The following ARHGEF1 variants were observed in gnomAD, a reference collection of about 807,000 sequenced individuals.
The protein encoded by ARHGEF1 is 115 kDa guanine nucleotide exchange factor.
A neutral mutation model predicts 119.7 loss-of-function variants in ARHGEF1; 40 were observed. That is an observed-to-expected ratio of 0.33 (90% confidence interval 0.26 to 0.44). The LOEUF (loss-of-function observed/expected upper bound fraction) is 0.44, where lower values mean the gene tolerates loss of function less well. Among genes scored for constraint, ARHGEF1 ranks in the 20% least tolerant of loss-of-function variants. ARHGEF1 has a pLI of 1.00. For synonymous variants in ARHGEF1, 494 were observed against 521.0 expected (o/e 0.95, Z 0.71); for missense variants, 976 against 1,268.3 (o/e 0.77, Z 3.50).
intron 13 of ARHGEF1, chr19:41,898,204 G>A (rs1404142441): frequency 2.1e-6 from 3 of 1,400,482 alleles, no homozygotes; most frequent in Non-Finnish European, 2.8e-6. Context: ...AATGGGCGTT[G>A]GAGACCGAGG....
chr19:41,913,519 G>A (rs1423992794), intron 18 of ARHGEF1, among the ~76,000 whole-genome samples: 1 of 151,624 alleles, frequency 6.6e-6, no homozygotes, highest in Non-Finnish European at 1.5e-5. Flanking sequence ...CTGCAGGGGG[G>A]CAGGCCCAGC....
At position 41,893,328 on chromosome 19, in the gene ARHGEF1, G is replaced by A. The variant is rs199564457; in HGVS notation, c.644+25G>A. The A allele has an allele frequency of 5.2e-4, 827 of 1,587,122 alleles. 11 individuals carry two copies. The East Asian group carries it at 0.011, about 21-fold the overall frequency. ...GGTGAGGGGGGCAGGGGAGGCGTGC[G>A]GCCTCCTGGGTTTGAGGGAGGAGGG... is the stretch of plus-strand genomic sequence containing the variant. On this transcript the variant is annotated intron_variant, in intron 8 of 28. Coordinates refer to ENST00000354532, the MANE Select transcript of ARHGEF1 (RefSeq NM_004706.4).
chr19:41,897,264 G>T, intron 13 of ARHGEF1: 2 of 1,281,074 alleles, frequency 1.6e-6, no homozygotes, highest in South Asian at 2.5e-5. Flanking sequence ...CGGGGAGGTG[G>T]GTCAGGTTCC....
Position 41,928,849 on chromosome 19 carries a change from G to A in ARHGEF1, c.161G>A (p.Gly54Glu), listed in dbSNP as rs781825962. ...CCCTAAGTGGACGCGCGGACAAACG[G>A]ACAGGCGCGAGGTGGAGGTGGCGAC... Residue 54 changes from glycine to glutamate, a missense_variant, in exon 2 of 3, where the codon GGA becomes GAA. Coordinates refer to the ARHGEF1 transcript ENST00000594417. The A allele has an allele frequency of 3.3e-5, 15 of 452,754 alleles. 1 individual carries two copies. The highest frequency in any genetic ancestry group is 2.0e-4 in the South Asian group (13 of 64,304). The allele number at this position is 452,754 out of a possible 1,614,324, so 28.0% of individuals were successfully genotyped here.
downstream of ARHGEF1, chr19:41,908,153 T>G (rs1555850850): frequency 1.7e-6 from 2 of 1,167,118 alleles, no homozygotes. This position sits in a 1 kb window ranked among gnomAD's most constrained non-coding sequence, Gnocchi z 6.7. Context: ...GTCCTGGGCC[T>G]TGGGCCAGGC....
rs1014802424 is a variant in ARHGEF1, at chr19:41,894,346, A to G, written c.744+40A>G. ...GCCCCGTCCTGACCCTTTCCTCTCCAGAGACGCCCTGGGAGCCTCATGACT... is the reference window on the plus strand; with the variant it reads ...GCCCCGTCCTGACCCTTTCCTCTCCGGAGACGCCCTGGGAGCCTCATGACT... On this transcript the variant is annotated intron_variant, in intron 9 of 28. Transcript: ENST00000354532. 5.3e-6 allele frequency: 8 copies of G among 1,517,894 alleles called. No individual in the cohort carries two copies. In the African/African-American group the frequency reaches 5.6e-5, roughly 11 times the overall value. 94.0% of individuals were successfully genotyped at this position (1,517,894 alleles called of 1,614,324 possible). A position where few individuals can be genotyped will look rare whatever the true frequency, so the allele number is the denominator to read the frequency against.
Position 41,906,938 on chromosome 19 carries a change from C to A in ARHGEF1, c.*17+135C>A. 1 of 953,650 alleles carries A rather than the reference C, an allele frequency of 1.0e-6. No homozygotes were observed. The highest frequency in any genetic ancestry group is 1.5e-6 in the Non-Finnish European group (1 of 657,260). The allele number at this position is 953,650 out of a possible 1,614,324, so 59.1% of individuals were successfully genotyped here. A position where few individuals can be genotyped will look rare whatever the true frequency, so the allele number is the denominator to read the frequency against. On this transcript the variant is annotated intron_variant, in intron 28 of 28. Coordinates refer to ENST00000354532, the MANE Select transcript of ARHGEF1 (RefSeq NM_004706.4). The surrounding 1 kb of genome is among the most constrained non-coding windows in gnomAD (Gnocchi z 4.5). ...TCTCCCCACTCCACCTCGTGTTTCTCATCTCTGTGTCTCTGTTTCTGATAA... is the reference window on the plus strand; with the variant it reads ...TCTCCCCACTCCACCTCGTGTTTCTAATCTCTGTGTCTCTGTTTCTGATAA...
intron 1 of ARHGEF1, chr19:41,884,467 G>A (rs1555844897): frequency 1.2e-6 from 2 of 1,607,188 alleles, no homozygotes; most frequent in South Asian, 2.2e-5. Flanking sequence ...CGGTGGCGGC[G>A]ATGGCTTCTC....
At chr19:41,896,745 C>T (rs1393256436) in intron 13 of ARHGEF1, 3 of 632,530 alleles carry the variant, frequency 4.7e-6, no homozygotes, top group African/African-American at 3.8e-5. Flanking sequence ...TAATCCTTCT[C>T]CTCCTCCCTT....
chr19:41,928,770 A>G (rs1049074624), intron 1 of ARHGEF1: 9 of 370,710 alleles, frequency 2.4e-5, no homozygotes, highest in African/African-American at 1.9e-4. Context: ...GGGTGGGTGG[A>G]GAGGTGGAGA....
In ARHGEF1 at chr19:41,895,441, GTC is replaced by G. The variant is rs782551525; in HGVS notation, c.976_977del (p.Leu326AlafsTer15). ...IGAPGQDTPGVSLHPLSLDSP... is the reference protein window; with the variant it reads ...IGAPGQDTPGXSLHPLSLDSP... ...GGCTCCTGGGCAGGACACCCCTGGA[GTC>G]TCTCTGCACCCTCTGTCCCTGGACA... On this transcript the variant is annotated frameshift_variant, in exon 12 of 29. Coordinates refer to ENST00000354532, the MANE Select transcript of ARHGEF1 (RefSeq NM_004706.4). LOFTEE classifies it high-confidence loss of function. The G allele has an allele frequency of 1.2e-6, 2 of 1,612,416 alleles. No homozygotes were observed. The highest frequency in any genetic ancestry group is 1.7e-6 in the Non-Finnish European group (2 of 1,179,586).
intron 13 of ARHGEF1, 156 bp from the exon 14 acceptor site, chr19:41,898,286 C>T (rs1229850510): frequency 7.5e-7 from 1 of 1,335,422 alleles, no homozygotes; most frequent in Non-Finnish European, 1.0e-6. Context: ...TCTGGGAACT[C>T]TAGTGTGGTC....
At chr19:41,910,856 G>GACAT (rs1452789064), downstream of ARHGEF1, among the ~76,000 whole-genome samples, 1 of 152,182 alleles carries the variant, frequency 6.6e-6, no homozygotes, top group Non-Finnish European at 1.5e-5. This position sits in a 1 kb window ranked among gnomAD's most constrained non-coding sequence, Gnocchi z 4.4. Flanking sequence ...CACCAAGGCT[G>GACAT]ACATGGCAGA....
At chr19:41,918,322 TACAC>T (rs1331189656), upstream of ARHGEF1, among the ~76,000 whole-genome samples, 3 of 145,468 alleles carry the variant, frequency 2.1e-5, no homozygotes, top group East Asian at 2.1e-4. Context: ...ACACACCACA[TACAC>T]ACACACGGTA....
chr19:41,915,575 A>G (rs935772378), intron 18 of ARHGEF1, among the ~76,000 whole-genome samples: 1 of 148,996 alleles, frequency 6.7e-6, no homozygotes, highest in Non-Finnish European at 1.5e-5. Flanking sequence ...CCACATCTCC[A>G]TATCTCCTCC....
intron 8 of ARHGEF1, among the ~76,000 whole-genome samples, chr19:41,893,978 C>G (rs1385146804): frequency 1.3e-5 from 2 of 151,784 alleles, no homozygotes; most frequent in African/African-American, 4.9e-5. Flanking sequence ...AGCCTGGGGC[C>G]TGGACACTTG....
Position 41,904,720 on chromosome 19 carries a change from G to GT in ARHGEF1, c.2162-226dup, listed in dbSNP as rs1388544266. Among the ~76,000 whole-genome samples the GT allele has an allele frequency of 6.6e-6, 1 of 152,104 alleles. No individual in the cohort carries two copies. The highest frequency in any genetic ancestry group is 2.4e-5 in the African/African-American group (1 of 41,408). On this transcript the variant is annotated intron_variant, in intron 22 of 28. Transcript: ENST00000354532. This position sits in a 1 kb window ranked among gnomAD's most constrained non-coding sequence, Gnocchi z 8.4. ...CTGGAGGGTGGGAGTGGCTGGAGGG[G>GT]TTTCGTTAGGTAAGCCAGGGTACAT...
chr19:41,909,831 A>G, downstream of ARHGEF1: 1 of 1,563,194 alleles, frequency 6.4e-7, no homozygotes, highest in Middle Eastern at 1.7e-4. This position sits in a 1 kb window ranked among gnomAD's most constrained non-coding sequence, Gnocchi z 5.2. Flanking sequence ...GGAAAAGGAC[A>G]AGGTGGGATC....
chr19:41,914,615 C>T lies in ARHGEF1; in HGVS notation c.1865+7812C>T, dbSNP rs1224465594. On this transcript the variant is annotated intron_variant, in intron 18 of 20. Coordinates refer to the ARHGEF1 transcript ENST00000599589. Reference sequence around the variant, plus strand: ...TCCACCATCTCTGTCTCTCCCTCCCCTTCCACCATCTCTGTCTCTGTCTCT... The same window carrying T: ...TCCACCATCTCTGTCTCTCCCTCCCTTTCCACCATCTCTGTCTCTGTCTCT... Among the ~76,000 whole-genome samples, 338 of 42,278 alleles carry T rather than the reference C, an allele frequency of 8.0e-3. 42 individuals are homozygous for T. Among genetic ancestry groups the T allele is most frequent in the Non-Finnish European group, 0.011 (228 of 20,076 alleles). 27.7% of individuals were successfully genotyped at this position (42,278 alleles called of 152,430 possible).
Sources: allele counts gnomAD v4.1 joint callset (sites outside exome capture counted in the v4.1 genomes callset), GRCh38; gene constraint gnomAD v4.1.1; non-coding constraint Gnocchi (gnomAD v3.1); transcripts MANE v1.5; gene names NCBI Gene and HGNC (gene_info 2026-07-23, HGNC 2026-07-21).